The following NOL4 variants were observed in gnomAD, a reference collection of about 807,000 sequenced individuals.
The protein encoded by NOL4 is nucleolar protein 4.
In NOL4, 17 loss-of-function variants were observed where a neutral mutation model predicts 75.9. The ratio of observed to expected loss-of-function variants is 0.22; its 90% CI spans 0.15 to 0.34. The LOEUF (loss-of-function observed/expected upper bound fraction) is 0.34. NOL4 is among the 10% of genes least tolerant of loss of function. The pLI is 1.00. For missense variants in NOL4, 614 were observed against 793.5 expected, an observed-to-expected ratio of 0.77 and a Z score of 2.72; for synonymous variants, 292 against 289.9, an observed-to-expected ratio of 1.01 and a Z score of -0.07.
intron 1 of NOL4, among the ~76,000 whole-genome samples, chr18:34,218,800 A>G (rs547215802): frequency 2.5e-4 from 38 of 152,352 alleles, no homozygotes; most frequent in African/African-American, 8.7e-4. Context: ...TCTTTGTGTC[A>G]TAGATACAAA....
intron 1 of NOL4, chr18:34,222,351 CG>C: frequency 9.3e-7 from 1 of 1,074,390 alleles, no homozygotes; most frequent in South Asian, 2.5e-5. Flanking sequence ...AATGGGGGGG[CG>C]GGGAGGAGGA....
chr18:34,114,190 T>C (rs2079740810), intron 2 of NOL4, among the ~76,000 whole-genome samples: 2 of 152,294 alleles, frequency 1.3e-5, no homozygotes, highest in South Asian at 4.1e-4. Flanking sequence ...TAGATGGAAA[T>C]TGGATTTTGA....
intron 5 of NOL4, among the ~76,000 whole-genome samples, chr18:34,066,322 T>G (rs1033528083): frequency 6.6e-6 from 1 of 152,022 alleles, no homozygotes; most frequent in Non-Finnish European, 1.5e-5. Flanking sequence ...TATCATTTTA[T>G]TACATTAAAA....
chr18:33,991,232 T>C (rs1056773818), intron 6 of NOL4, among the ~76,000 whole-genome samples: 4 of 152,062 alleles, frequency 2.6e-5, no homozygotes, highest in African/African-American at 7.2e-5. Context: ...TACCACCCAT[T>C]GAACCTGCCA....
intron 1 of NOL4, among the ~76,000 whole-genome samples, chr18:34,188,424 AT>A (rs2034657240): frequency 6.6e-6 from 1 of 152,222 alleles, no homozygotes; most frequent in African/African-American, 2.4e-5. Flanking sequence ...CTATGTCCCA[AT>A]AAACCCATTG....
chr18:34,218,099 CA>C (rs79445733), intron 1 of NOL4, among the ~76,000 whole-genome samples: 203 of 127,890 alleles, frequency 1.6e-3, no homozygotes, highest in Non-Finnish European at 1.8e-3. Flanking sequence ...CCAGTTAGAC[CA>C]AAAAAAAAAA....
chr18:34,112,773 GA>G (rs1200578935), intron 2 of NOL4, among the ~76,000 whole-genome samples: 1 of 152,156 alleles, frequency 6.6e-6, no homozygotes, highest in Non-Finnish European at 1.5e-5. Flanking sequence ...GTAAGTTCTA[GA>G]GATCAAATGT....
chr18:33,887,000 T>C (rs890249646), intron 9 of NOL4, among the ~76,000 whole-genome samples: 25 of 140,880 alleles, frequency 1.8e-4, no homozygotes, highest in Non-Finnish European at 3.5e-4. Flanking sequence ...TATCTAGATA[T>C]ATCTATATAC....
chr18:33,879,947 T>C (rs2064158880), intron 10 of NOL4, among the ~76,000 whole-genome samples: 1 of 152,096 alleles, frequency 6.6e-6, no homozygotes, highest in African/African-American at 2.4e-5. Flanking sequence ...ACTGTCAAAT[T>C]CCACTCTAAC....
intron 9 of NOL4, among the ~76,000 whole-genome samples, chr18:33,896,058 C>A (rs1477134615): frequency 1.3e-5 from 2 of 151,878 alleles, no homozygotes; most frequent in Non-Finnish European, 2.9e-5. Flanking sequence ...ACAATGGACT[C>A]AAAAAGAATA....
At chr18:34,113,434 G>A (rs1285675764) in intron 2 of NOL4, among the ~76,000 whole-genome samples, 2 of 152,104 alleles carry the variant, frequency 1.3e-5, no homozygotes, top group Non-Finnish European at 2.9e-5. Context: ...GAGACTAGGA[G>A]TTCGTGACAA....
intron 9 of NOL4, among the ~76,000 whole-genome samples, chr18:33,930,955 C>T (rs2067650623): frequency 1.3e-5 from 2 of 151,998 alleles, no homozygotes; most frequent in African/African-American, 4.8e-5. Flanking sequence ...TACTTAATTG[C>T]CTTATCCTTG....
At chr18:34,154,343 A>G (rs1186681918) in intron 1 of NOL4, among the ~76,000 whole-genome samples, 2 of 151,990 alleles carry the variant, frequency 1.3e-5, no homozygotes, top group Non-Finnish European at 2.9e-5. Flanking sequence ...AAGTTCCAGA[A>G]ATAGAAGAGT....
chr18:34,104,002 C>T (rs749917435), intron 4 of NOL4, 45 bp downstream of exon 4: 16 of 1,288,248 alleles, frequency 1.2e-5, no homozygotes, highest in South Asian at 4.7e-5. Flanking sequence ...TATCAAGCTT[C>T]GTTCCAATTT....
chr18:33,932,544 C>T (rs1262505342), intron 9 of NOL4, among the ~76,000 whole-genome samples: 9 of 151,870 alleles, frequency 5.9e-5, no homozygotes, highest in Admixed American at 5.9e-4. Context: ...AATAGCAAGG[C>T]ATCATTTTCA....
chr18:34,137,536 T>G (rs1335754267), intron 1 of NOL4, among the ~76,000 whole-genome samples: 9 of 152,146 alleles, frequency 5.9e-5, no homozygotes, highest in Non-Finnish European at 1.2e-4. Flanking sequence ...GAAAAAATGC[T>G]TAATATAATT....
chr18:33,885,824 C>A (rs1226796125), intron 9 of NOL4, among the ~76,000 whole-genome samples: 3 of 152,102 alleles, frequency 2.0e-5, no homozygotes, highest in African/African-American at 7.2e-5. Context: ...TGTGGGTTAT[C>A]TATCCAAAAG....
At position 33,895,831 on chromosome 18, in the gene NOL4, A is replaced by G. The variant is rs77387107; in HGVS notation, c.1543-12407T>C. On this transcript the variant is annotated intron_variant, in intron 9 of 10. Coordinates refer to ENST00000261592, the MANE Select transcript of NOL4 (RefSeq NM_003787.5). ...AACAATTAGGCAAGAGAAAAAAATAAAGCACATCCGATTATGAAGAGAGAT... is the reference window on the plus strand; with the variant it reads ...AACAATTAGGCAAGAGAAAAAAATAGAGCACATCCGATTATGAAGAGAGAT... 5.8e-3 allele frequency among the ~76,000 whole-genome samples: 877 copies of G among 152,200 alleles called. 9 individuals carry two copies. The highest frequency in any genetic ancestry group is 0.02 in the African/African-American group (825 of 41,530).
chr18:33,857,557 T>G (rs2144185047), intron 10 of NOL4, among the ~76,000 whole-genome samples: 1 of 152,172 alleles, frequency 6.6e-6, no homozygotes, highest in South Asian at 2.1e-4. Flanking sequence ...AGGGCAGTTC[T>G]TATTCAGAAA....
Sources: gnomAD v4.1 joint callset for allele counts (sites outside exome capture counted in the v4.1 genomes callset) on GRCh38, gnomAD v4.1.1 for gene constraint, MANE v1.5 for transcripts, NCBI Gene and HGNC (gene_info 2026-07-23, HGNC 2026-07-21) for gene names.